Variants in FBXW10B observed in about 807,000 individuals in gnomAD.
The protein encoded by FBXW10B is F-box and WD repeat domain containing 10B, also known as F-box and WD repeat domain containing protein 10B.
At chr17:15,598,371 A>T in the FBXW10B span, 4 of 710,840 alleles carry the variant, frequency 5.6e-6, no homozygotes, top group Non-Finnish European at 6.6e-6. Context: ...ATTGATTGAT[A>T]GATGGAAGGA....
At chr17:15,611,460 CCTCAAGACAATCT>C in the FBXW10B span, among the ~76,000 whole-genome samples, 2 of 152,126 alleles carry the variant, frequency 1.3e-5, no homozygotes, top group East Asian at 1.9e-4. Context: ...CGGTCAGGGG[CCTCAAGACAATCT>C]CTCAAGACAA....
the FBXW10B span, among the ~76,000 whole-genome samples, chr17:15,582,514 A>G: frequency 2.0e-5 from 3 of 151,956 alleles, no homozygotes; most frequent in African/African-American, 7.3e-5. Context: ...CAAAACCATT[A>G]TTATTGCTTG....
chr17:15,565,999 G>A, the FBXW10B span: 3 of 1,611,136 alleles, frequency 1.9e-6, no homozygotes, highest in Non-Finnish European at 2.5e-6. Flanking sequence ...ACTGTGCAAA[G>A]AGATCTTCAA....
At chr17:15,604,890 A>G in the FBXW10B span, among the ~76,000 whole-genome samples, 2 of 152,230 alleles carry the variant, frequency 1.3e-5, no homozygotes, top group Non-Finnish European at 2.9e-5. Context: ...TCAAACCCAT[A>G]AAAAACCACG....
At chr17:15,580,874 T>G in the FBXW10B span, among the ~76,000 whole-genome samples, 2 of 152,106 alleles carry the variant, frequency 1.3e-5, no homozygotes, top group Non-Finnish European at 2.9e-5. Context: ...TGTGCTCATT[T>G]AACAAGCACT....
the FBXW10B span, among the ~76,000 whole-genome samples, chr17:15,576,307 T>C: frequency 6.6e-6 from 1 of 152,212 alleles, no homozygotes; most frequent in Non-Finnish European, 1.5e-5. Flanking sequence ...TCATCAAGAG[T>C]GTATTGATCA....
chr17:15,574,460 G>A, the FBXW10B span, among the ~76,000 whole-genome samples: 1 of 103,400 alleles, frequency 9.7e-6, no homozygotes, highest in Non-Finnish European at 1.9e-5. Flanking sequence ...TGTAGTTCCT[G>A]TGGAAGCACT....
chr17:15,592,465 T>G, the FBXW10B span, among the ~76,000 whole-genome samples: 1 of 152,034 alleles, frequency 6.6e-6, no homozygotes, highest in Non-Finnish European at 1.5e-5. Flanking sequence ...GAGCTTGAAG[T>G]AGAATTTACA....
At chr17:15,613,926 C>T in the FBXW10B span, 1 of 1,601,028 alleles carries the variant, frequency 6.2e-7, no homozygotes, top group Non-Finnish European at 8.5e-7. Flanking sequence ...TCATCCAGGT[C>T]AACCAATAGA....
the FBXW10B span, among the ~76,000 whole-genome samples, chr17:15,579,231 T>C: frequency 1.3e-5 from 2 of 152,104 alleles, no homozygotes; most frequent in Non-Finnish European, 2.9e-5. Context: ...TTATGCCAAA[T>C]ATATTTTCTT....
the FBXW10B span, among the ~76,000 whole-genome samples, chr17:15,566,806 C>T: frequency 0.11 from 17,294 of 150,634 alleles, 1,111 homozygotes; most frequent in African/African-American, 0.14. Context: ...CCTCGTGATC[C>T]GCCCGCCTCG....
the FBXW10B span, chr17:15,595,010 T>G: frequency 1.4e-6 from 2 of 1,434,728 alleles, no homozygotes; most frequent in Non-Finnish European, 1.9e-6. Flanking sequence ...TGCCATTCAC[T>G]CGGTAGGTAC....
At chr17:15,591,929 T>G in the FBXW10B span, among the ~76,000 whole-genome samples, 1 of 152,128 alleles carries the variant, frequency 6.6e-6, no homozygotes, top group Non-Finnish European at 1.5e-5. Context: ...GATCCCCACT[T>G]TAATGCTCCA....
the FBXW10B span, among the ~76,000 whole-genome samples, chr17:15,604,337 A>G: frequency 6.6e-6 from 1 of 152,114 alleles, no homozygotes; most frequent in East Asian, 1.9e-4. Context: ...GGAGATGTAT[A>G]AGAAGGAAGC....
the FBXW10B span, among the ~76,000 whole-genome samples, chr17:15,602,238 A>G: frequency 1.3e-5 from 2 of 152,236 alleles, no homozygotes; most frequent in Admixed American, 6.5e-5. Flanking sequence ...GATTAAAAAC[A>G]GAAAGACAGT....
the FBXW10B span, among the ~76,000 whole-genome samples, chr17:15,613,314 G>T: frequency 1.4e-5 from 2 of 148,120 alleles, no homozygotes; most frequent in Non-Finnish European, 3.0e-5. Context: ...TGCATAAGCT[G>T]CAATATAACT....
chr17:15,605,041 A>T, the FBXW10B span, among the ~76,000 whole-genome samples: 1 of 152,300 alleles, frequency 6.6e-6, no homozygotes, highest in Admixed American at 6.5e-5. Flanking sequence ...TTCAAATGTT[A>T]AGCAATATAT....
the FBXW10B span, among the ~76,000 whole-genome samples, chr17:15,603,796 G>A: frequency 3.4e-5 from 5 of 148,730 alleles, no homozygotes; most frequent in African/African-American, 5.0e-5. Context: ...ACAAGGGCTG[G>A]GCGCGGTGGC....
At chr17:15,584,526 T>C in the FBXW10B span, among the ~76,000 whole-genome samples, 1 of 152,350 alleles carries the variant, frequency 6.6e-6, no homozygotes, top group East Asian at 1.9e-4. Flanking sequence ...GTTATAAATG[T>C]TTTAGGAAAA....
Sources: gnomAD v4.1 joint callset for allele counts (sites outside exome capture counted in the v4.1 genomes callset) on GRCh38, gnomAD v4.1.1 for gene constraint, MANE v1.5 for transcripts, NCBI Gene and HGNC (gene_info 2026-07-23, HGNC 2026-07-21) for gene names.